CTNNA3: variants seen among roughly 807,000 people sequenced by gnomAD.
The protein encoded by CTNNA3 is catenin alpha 3.
CTNNA3 carries 76 observed loss-of-function variants against 95.7 expected under a neutral mutation model. That is an observed-to-expected ratio of 0.79 (90% CI 0.66 to 0.96). The LOEUF (loss-of-function observed/expected upper bound fraction) is 0.96, where lower values mean the gene tolerates loss of function less well. CTNNA3 is among the 40% of genes least tolerant of loss of function. CTNNA3 has a pLI of 0.00. For missense variants in CTNNA3, 1,191 were observed against 1,089.8 expected (o/e 1.09, Z -1.31); for synonymous variants, 431 against 374.4 (o/e 1.15, Z -1.74).
intron 11 of CTNNA3, among the ~76,000 whole-genome samples, chr10:66,490,377 G>A (rs989836484): frequency 6.6e-6 from 1 of 152,132 alleles, no homozygotes; most frequent in Non-Finnish European, 1.5e-5. Flanking sequence ...TAAATATGAT[G>A]AAGAAGAGAC....
At chr10:67,461,764 T>C (rs1255647232) in intron 5 of CTNNA3, among the ~76,000 whole-genome samples, 1 of 152,212 alleles carries the variant, frequency 6.6e-6, no homozygotes, top group Non-Finnish European at 1.5e-5. Flanking sequence ...CTAATATTTA[T>C]ATCATTGGCC....
At chr10:66,088,118 A>G (rs971521904) in intron 14 of CTNNA3, among the ~76,000 whole-genome samples, 10 of 151,866 alleles carry the variant, frequency 6.6e-5, no homozygotes, top group African/African-American at 2.2e-4. Context: ...TTGGTCTATA[A>G]AATTATGCAC....
At chr10:66,916,664 A>G (rs1222805910) in intron 7 of CTNNA3, among the ~76,000 whole-genome samples, 1 of 152,158 alleles carries the variant, frequency 6.6e-6, no homozygotes, top group African/African-American at 2.4e-5. Flanking sequence ...AAATGTCCAA[A>G]AAGAACTGGG....
At chr10:66,202,450 T>C (rs2087488945) in intron 13 of CTNNA3, among the ~76,000 whole-genome samples, 1 of 152,174 alleles carries the variant, frequency 6.6e-6, no homozygotes, top group Non-Finnish European at 1.5e-5. Context: ...GTGTTTTACT[T>C]TTCCTTTTTC....
intron 5 of CTNNA3, among the ~76,000 whole-genome samples, chr10:67,269,236 T>C (rs535284005): frequency 1.3e-5 from 2 of 152,274 alleles, no homozygotes; most frequent in African/African-American, 4.8e-5. Flanking sequence ...AGATTTTTTA[T>C]GAACAAGTGG....
At chr10:66,304,429 G>C (rs1374591874) in intron 12 of CTNNA3, among the ~76,000 whole-genome samples, 1 of 152,012 alleles carries the variant, frequency 6.6e-6, no homozygotes, top group Non-Finnish European at 1.5e-5. Flanking sequence ...AGATGCACCA[G>C]AATTAAATTG....
At chr10:66,508,177 CTTG>C (rs1840519642) in intron 11 of CTNNA3, among the ~76,000 whole-genome samples, 2 of 88,534 alleles carry the variant, frequency 2.3e-5, no homozygotes, top group African/African-American at 7.9e-5. Flanking sequence ...AGGAGCAGCT[CTTG>C]TTTTTTTTTT....
intron 7 of CTNNA3, among the ~76,000 whole-genome samples, chr10:67,142,202 A>T (rs1003335565): frequency 1.3e-5 from 2 of 152,190 alleles, no homozygotes; most frequent in African/African-American, 4.8e-5. Context: ...ATTGGAGAAC[A>T]AAAACTATAT....
At chr10:66,339,516 G>C (rs2092431283) in intron 12 of CTNNA3, among the ~76,000 whole-genome samples, 1 of 151,694 alleles carries the variant, frequency 6.6e-6, no homozygotes, top group Non-Finnish European at 1.5e-5. Flanking sequence ...ACAATTATAA[G>C]CTAAAATAAA....
At chr10:67,258,723 G>A (rs917404471) in intron 5 of CTNNA3, among the ~76,000 whole-genome samples, 2 of 152,076 alleles carry the variant, frequency 1.3e-5, no homozygotes, top group Admixed American at 1.3e-4. Context: ...CACTTTCTCA[G>A]TGTAAAAACA....
chr10:66,929,416 A>C (rs1431605100), intron 7 of CTNNA3, among the ~76,000 whole-genome samples: 2 of 152,166 alleles, frequency 1.3e-5, no homozygotes, highest in Non-Finnish European at 2.9e-5. Flanking sequence ...TAGAATCCTT[A>C]GCTCTGTCCT....
chr10:66,569,377 T>C (rs1225104410), intron 10 of CTNNA3, among the ~76,000 whole-genome samples: 1 of 152,190 alleles, frequency 6.6e-6, no homozygotes, highest in Non-Finnish European at 1.5e-5. Context: ...TATTCTTTTA[T>C]GGACTTTATC....
chr10:67,384,627 G>C (rs1286351740), intron 5 of CTNNA3, among the ~76,000 whole-genome samples: 1 of 152,154 alleles, frequency 6.6e-6, no homozygotes, highest in Non-Finnish European at 1.5e-5. Context: ...TTCCAGGGGA[G>C]CCCAAAACTG....
intron 1 of CTNNA3, among the ~76,000 whole-genome samples, chr10:67,715,475 G>T (rs1031077684): frequency 1.3e-5 from 2 of 152,140 alleles, no homozygotes; most frequent in Middle Eastern, 3.4e-3. Flanking sequence ...AATCAAAATG[G>T]CTTGGCACAT....
intron 5 of CTNNA3, among the ~76,000 whole-genome samples, chr10:67,440,997 C>T (rs1846492451): frequency 6.6e-6 from 1 of 151,684 alleles, no homozygotes; most frequent in Admixed American, 6.6e-5. Context: ...AGATAGGTGA[C>T]CTTTAAGAGA....
intron 11 of CTNNA3, among the ~76,000 whole-genome samples, chr10:66,430,843 G>C (rs980763657): frequency 6.6e-6 from 1 of 152,108 alleles, no homozygotes; most frequent in Non-Finnish European, 1.5e-5. Context: ...ATAGGCATGG[G>C]CAAGGACTTC....
chr10:67,455,457 G>C (rs753298661), intron 5 of CTNNA3, among the ~76,000 whole-genome samples: 3 of 152,140 alleles, frequency 2.0e-5, no homozygotes, highest in Non-Finnish European at 4.4e-5. Flanking sequence ...GACTGCATTA[G>C]TGACTTACTT....
At chr10:67,352,873 G>C (rs1842684068) in intron 5 of CTNNA3, among the ~76,000 whole-genome samples, 1 of 151,902 alleles carries the variant, frequency 6.6e-6, no homozygotes, top group Non-Finnish European at 1.5e-5. Context: ...ACAGAAAGTA[G>C]CATCTTTTTT....
rs114623347 is a variant in CTNNA3 at position 65,989,060 on chromosome 10, C to T, written c.2160-263G>A. On this transcript the variant is annotated intron_variant, in intron 15 of 17. Transcript: ENST00000433211. Reference sequence around the variant, plus strand: ...GGTTCAAGCGATTCTCCAGTCTTAGCCCCCCGAAGAGCTGGGACTGCAGGC... The same window carrying T: ...GGTTCAAGCGATTCTCCAGTCTTAGTCCCCCGAAGAGCTGGGACTGCAGGC... Among the ~76,000 whole-genome samples the T allele has an allele frequency of 7.9e-3, 1,203 of 152,176 alleles. 11 individuals carry two copies. Among genetic ancestry groups the T allele is most frequent in the African/African-American group, 0.028 (1,153 of 41,506 alleles).
Sources: gnomAD v4.1 joint callset for allele counts (sites outside exome capture counted in the v4.1 genomes callset) on GRCh38, gnomAD v4.1.1 for gene constraint, MANE v1.5 for transcripts, NCBI Gene and HGNC (gene_info 2026-07-23, HGNC 2026-07-21) for gene names.